Variants in ING1 observed in about 807,000 individuals in gnomAD.
ING1 encodes inhibitor of growth family member 1.
In ING1, 4 loss-of-function variants were observed where a neutral mutation model predicts 23.1. The ratio of observed to expected loss-of-function variants is 0.17; its 90% CI spans 0.09 to 0.40. The LOEUF (loss-of-function observed/expected upper bound fraction) is 0.40. ING1 is among the 10% of genes least tolerant of loss of function. The pLI, the probability that ING1 is intolerant of heterozygous loss-of-function variation, is 1.00. For missense variants in ING1, 256 were observed against 393.8 expected (o/e 0.65, Z 2.96); for synonymous variants, 179 against 166.4 (o/e 1.08, Z -0.58).
At chr13:110,713,096 C>T (rs1166544497), upstream of ING1, 2 of 1,439,420 alleles carry the variant, frequency 1.4e-6, no homozygotes, top group African/African-American at 1.4e-5. Context: ...TCCCGGAGGA[C>T]TTGGGTTTCT....
At chr13:110,712,955 G>C, upstream of ING1, 2 of 1,560,266 alleles carry the variant, frequency 1.3e-6, no homozygotes, top group Non-Finnish European at 1.7e-6. Context: ...GCTGCTGGGA[G>C]TGGTGGTCCG....
In ING1 at chr13:110,722,173, T is replaced by C. The variant is rs568668833; in HGVS notation, c.*2241T>C. Reference sequence around the variant, plus strand: ...ATTGTAGTTGGTCATATACTAAAATTTGAACTTTTTACATATCAATACTTA... The same window carrying C: ...ATTGTAGTTGGTCATATACTAAAATCTGAACTTTTTACATATCAATACTTA... On this transcript the variant is annotated 3_prime_UTR_variant, in exon 2 of 2. Transcript: ENST00000333219. The C allele has an allele frequency of 2.0e-5, 3 of 152,342 alleles. No homozygotes were observed. The highest frequency in any genetic ancestry group is 4.4e-5 in the Non-Finnish European group (3 of 68,034). 9.4% of individuals were successfully genotyped at this position (152,342 alleles called of 1,614,324 possible).
upstream of ING1, chr13:110,713,181 TG>T (rs543529135): frequency 7.6e-4 from 1,082 of 1,427,104 alleles, 6 homozygotes; most frequent in African/African-American, 0.014. Context: ...GTCAAAGTGA[TG>T]TTGGCAAGTA....
chr13:110,712,940 C>G (rs771605120), upstream of ING1: 19 of 1,558,806 alleles, frequency 1.2e-5, no homozygotes, highest in Admixed American at 3.6e-4. Context: ...GCGGGAGCCG[C>G]CTAGGCTGCT....
chr13:110,712,888 G>C (rs758270604), upstream of ING1: 1 of 1,430,566 alleles, frequency 7.0e-7, no homozygotes, highest in Non-Finnish European at 9.6e-7. Context: ...ACTGAGTACC[G>C]GGAGACGACA....
In ING1 at chr13:110,720,513, ACTTCT is replaced by A. The variant is rs1423265637; in HGVS notation, c.*585_*589del. On this transcript the variant is annotated 3_prime_UTR_variant, in exon 2 of 2. Transcript: ENST00000333219. The stretch of plus-strand genomic sequence containing the variant: ...TGGCCATTTTAAAATGCTTGGGTAC[ACTTCT>A]CTTAAGTGGTCTAGTCAAGGAACCT... 2 of 167,084 alleles carry A rather than the reference ACTTCT, an allele frequency of 1.2e-5. No individual in the cohort carries two copies. Among genetic ancestry groups the A allele is most frequent in the African/African-American group, 2.4e-5 (1 of 41,446 alleles). The allele number at this position is 167,084 out of a possible 1,614,324, so 10.4% of individuals were successfully genotyped here.
At chr13:110,715,890 G>T (rs1474302650) in intron 1 of ING1, 1 of 1,588,450 alleles carries the variant, frequency 6.3e-7, no homozygotes, top group Non-Finnish European at 8.5e-7. Flanking sequence ...CGGGCCTGTG[G>T]GCTCGGGGCC....
At chr13:110,712,805 A>G (rs997696102), upstream of ING1, 1 of 783,488 alleles carries the variant, frequency 1.3e-6, no homozygotes, top group Admixed American at 2.0e-5. Context: ...CCTCGGGCCT[A>G]TCCACCTCTT....
chr13:110,715,676 C>G lies in ING1; in HGVS notation c.136+1391C>G, dbSNP rs56682720. ...CGCTGCTGGGGCGGGCCGTGCTCTT[C>G]CGCCCTGCGGTGTGGTTGGTTCTCC... On this transcript the variant is annotated intron_variant, in intron 1 of 1. Coordinates refer to ENST00000333219, the MANE Select transcript of ING1 (RefSeq NM_198219.3). The G allele has an allele frequency of 6.9e-3, 11,106 of 1,606,468 alleles. 660 individuals carry two copies. The African/African-American group carries it at 0.13, about 19-fold the overall frequency.
intron 1 of ING1, among the ~76,000 whole-genome samples, chr13:110,714,501 G>C (rs2064083913): frequency 6.6e-6 from 1 of 151,560 alleles, no homozygotes; most frequent in Non-Finnish European, 1.5e-5. Flanking sequence ...AAGGAGGCGC[G>C]AGAGGTCTCG....
At chr13:110,713,671 T>G (rs1481971020), upstream of ING1, 6 of 985,230 alleles carry the variant, frequency 6.1e-6, no homozygotes, top group Non-Finnish European at 4.8e-6. Flanking sequence ...CGGGGCTGAA[T>G]GTTTCCCAAG....
At position 110,715,909 on chromosome 13, in the gene ING1, A is replaced by G; in HGVS notation, c.136+1624A>G. On this transcript the variant is annotated intron_variant, in intron 1 of 1. Coordinates refer to ENST00000333219, the MANE Select transcript of ING1 (RefSeq NM_198219.3). The stretch of plus-strand genomic sequence containing the variant: ...CCTGTGGGCTCGGGGCCGGGGCTGC[A>G]GTTCGGACCGCCTCCCGCGACCCGC... 1.3e-6 allele frequency: 2 copies of G among 1,579,122 alleles called. 1 individual carries two copies. The highest frequency in any genetic ancestry group is 2.2e-5 in the South Asian group (2 of 89,616).
At chr13:110,717,512 C>T (rs1309186839) in intron 1 of ING1, among the ~76,000 whole-genome samples, 1 of 152,218 alleles carries the variant, frequency 6.6e-6, no homozygotes, top group Non-Finnish European at 1.5e-5. Flanking sequence ...CTCCCACTCT[C>T]AGCCCCTCCC....
chr13:110,715,776 G>T, intron 1 of ING1: 1 of 1,590,180 alleles, frequency 6.3e-7, no homozygotes. Context: ...TCTCCCGCTG[G>T]CCTCCTCCCC....
chr13:110,713,310 T>C (rs2064060164), upstream of ING1: 6 of 1,183,456 alleles, frequency 5.1e-6, no homozygotes, highest in Non-Finnish European at 6.3e-6. Flanking sequence ...TACCATGGTC[T>C]CGGAGGTTTC....
chr13:110,716,873 G>T (rs1272846473), intron 1 of ING1, among the ~76,000 whole-genome samples: 1 of 152,174 alleles, frequency 6.6e-6, no homozygotes, highest in Non-Finnish European at 1.5e-5. Context: ...CAGTGGTGTT[G>T]TTCCTGTTTA....
At chr13:110,713,117 G>C (rs2139961655), upstream of ING1, 2 of 1,431,058 alleles carry the variant, frequency 1.4e-6, no homozygotes, top group East Asian at 5.0e-5. Context: ...AGTAGTAAGA[G>C]TCCGGGGGGC....
At chr13:110,713,239 T>C (rs2064058010), upstream of ING1, 2 of 1,386,116 alleles carry the variant, frequency 1.4e-6, no homozygotes, top group East Asian at 5.3e-5. Flanking sequence ...CTACTTATAC[T>C]GCTCTGTGGG....
In ING1 at chr13:110,714,304, TG is replaced by T; in HGVS notation, c.136+22del. On this transcript the variant is annotated intron_variant, in intron 1 of 1. Coordinates refer to ENST00000333219, the MANE Select transcript of ING1 (RefSeq NM_198219.3). ...TACCAAGGTACGGCCGGGTGATGGA[TG>T]GGCGGGGGCGGCCGCCTCCTTCCCG... 2.0e-6 allele frequency: 3 copies of T among 1,479,106 alleles called. No homozygotes were observed. Among genetic ancestry groups the T allele is most frequent in the Non-Finnish European group, 2.7e-6 (3 of 1,107,912 alleles). 91.6% of individuals were successfully genotyped at this position (1,479,106 alleles called of 1,614,324 possible).
Sources: gnomAD v4.1 joint callset for allele counts (sites outside exome capture counted in the v4.1 genomes callset) on GRCh38, gnomAD v4.1.1 for gene constraint, MANE v1.5 for transcripts, NCBI Gene and HGNC (gene_info 2026-07-23, HGNC 2026-07-21) for gene names.